MYO5A: variants seen among roughly 807,000 people sequenced by gnomAD.
MYO5A encodes myosin VA.
In MYO5A, 98 loss-of-function variants were observed where a neutral mutation model predicts 249.7. The ratio of observed to expected loss-of-function variants is 0.39; its 90% CI spans 0.33 to 0.46. The LOEUF (loss-of-function observed/expected upper bound fraction) is 0.46, where lower values mean the gene tolerates loss of function less well. Among genes scored for constraint, MYO5A ranks in the 20% least tolerant of loss-of-function variants. The pLI is 0.98. For missense variants in MYO5A, 1,696 were observed against 2,308.8 expected (o/e 0.73, Z 5.44); for synonymous variants, 778 against 810.6 (o/e 0.96, Z 0.68).
intron 25 of MYO5A, among the ~76,000 whole-genome samples, chr15:52,358,926 G>A (rs571148717): frequency 7.4e-4 from 112 of 152,252 alleles, no homozygotes; most frequent in African/African-American, 2.5e-3. Context: ...GATAGAAAAG[G>A]GATTGGAGAG....
At chr15:52,471,602 C>CACACAT (rs1231050126) in intron 1 of MYO5A, among the ~76,000 whole-genome samples, 4 of 151,168 alleles carry the variant, frequency 2.6e-5, no homozygotes, top group Middle Eastern at 6.8e-3. Context: ...AACACACACA[C>CACACAT]ACACACACAC....
At chr15:52,406,046 C>A (rs2042990897) in intron 8 of MYO5A, among the ~76,000 whole-genome samples, 1 of 152,162 alleles carries the variant, frequency 6.6e-6, no homozygotes, top group South Asian at 2.1e-4. Context: ...AGCATCAGAG[C>A]AGAACTTGAA....
intron 1 of MYO5A, among the ~76,000 whole-genome samples, chr15:52,526,678 A>G (rs1385524892): frequency 6.6e-6 from 1 of 152,126 alleles, no homozygotes; most frequent in African/African-American, 2.4e-5. Context: ...TTTTTTGTAG[A>G]GACCAGGTCT....
intron 1 of MYO5A, among the ~76,000 whole-genome samples, chr15:52,476,476 T>G (rs1446047396): frequency 6.6e-6 from 1 of 152,228 alleles, no homozygotes; most frequent in Non-Finnish European, 1.5e-5. Context: ...TGATGCAGTT[T>G]CTTCCTAGCA....
chr15:52,500,988 G>A (rs1189033046), intron 1 of MYO5A, among the ~76,000 whole-genome samples: 1 of 144,786 alleles, frequency 6.9e-6, no homozygotes, highest in South Asian at 2.2e-4. Context: ...TTTTTTTTTT[G>A]AGACGGAGTC....
intron 28 of MYO5A, among the ~76,000 whole-genome samples, chr15:52,350,297 T>TC (rs2039877226): frequency 2.0e-5 from 3 of 152,212 alleles, no homozygotes; most frequent in African/African-American, 7.2e-5. Flanking sequence ...GGAATTTTAT[T>TC]CCCCCAAATT....
At chr15:52,482,935 C>T (rs1473261601) in intron 1 of MYO5A, among the ~76,000 whole-genome samples, 1 of 152,154 alleles carries the variant, frequency 6.6e-6, no homozygotes, top group Non-Finnish European at 1.5e-5. Context: ...TACTCAAGCT[C>T]ACTCAGGTGA....
chr15:52,348,892 A>T, intron 28 of MYO5A, 66 bp from the exon 29 acceptor site: 1 of 1,520,912 alleles, frequency 6.6e-7, no homozygotes, highest in Non-Finnish European at 9.0e-7. Context: ...TCCATAAATA[A>T]ATTTCATCAA....
At chr15:52,335,516 C>CAAAAA (rs397854139) in intron 34 of MYO5A, among the ~76,000 whole-genome samples, 9 of 64,048 alleles carry the variant, frequency 1.4e-4, no homozygotes, top group South Asian at 1.2e-3. Context: ...ACTCTGTCTC[C>CAAAAA]AAAAAAAAAA....
intron 1 of MYO5A, among the ~76,000 whole-genome samples, chr15:52,499,783 A>G (rs2077115629): frequency 6.6e-6 from 1 of 152,210 alleles, no homozygotes; most frequent in African/African-American, 2.4e-5. Context: ...GAATAATGCT[A>G]CTGTGAACAC....
chr15:52,361,075 C>T (rs979762503), intron 24 of MYO5A, among the ~76,000 whole-genome samples: 5 of 152,112 alleles, frequency 3.3e-5, no homozygotes, highest in African/African-American at 1.2e-4. Flanking sequence ...TCCAGAGGCA[C>T]GTAAAAGTCT....
intron 37 of MYO5A, among the ~76,000 whole-genome samples, chr15:52,322,914 T>C (rs563713567): frequency 1.3e-5 from 2 of 152,200 alleles, no homozygotes; most frequent in African/African-American, 4.8e-5. Context: ...ATGTGCCATG[T>C]TGGTGTGCTG....
At chr15:52,392,497 T>A (rs1459541273) in intron 11 of MYO5A, among the ~76,000 whole-genome samples, 1 of 152,212 alleles carries the variant, frequency 6.6e-6, no homozygotes, top group East Asian at 1.9e-4. Flanking sequence ...CATAACAAAG[T>A]ACTTCTCCTA....
Position 52,528,829 on chromosome 15 carries a change from CCCCCGCCTGTGCGGAGGCCGCA to C in MYO5A, c.-45_-24del. 6.8e-7 allele frequency: 1 copy of C among 1,475,910 alleles called. No individual in the cohort carries two copies. Among genetic ancestry groups the C allele is most frequent in the Non-Finnish European group, 8.9e-7 (1 of 1,118,576 alleles). 91.4% of individuals were successfully genotyped at this position (1,475,910 alleles called of 1,614,324 possible). A position where few individuals can be genotyped will look rare whatever the true frequency, so the allele number is the denominator to read the frequency against. On this transcript the variant is annotated 5_prime_UTR_variant, in exon 1 of 42. Transcript: ENST00000399233. The stretch of plus-strand genomic sequence containing the variant: ...CATGGCGGGCCCCGCGCGCCTACGC[CCCCCGCCTGTGCGGAGGCCGCA>C]CCTCGCCTGGGCGGCCGCCCGAGCG...
intron 1 of MYO5A, among the ~76,000 whole-genome samples, chr15:52,437,802 C>T (rs1036121160): frequency 6.6e-6 from 1 of 152,148 alleles, no homozygotes; most frequent in African/African-American, 2.4e-5. Context: ...CAGATTTCCA[C>T]AAGTATTTTG....
At chr15:52,319,394 A>G (rs755160153) in intron 38 of MYO5A, 52 bp from the exon 39 acceptor site, 1 of 1,568,540 alleles carries the variant, frequency 6.4e-7, no homozygotes, top group Non-Finnish European at 8.8e-7. Flanking sequence ...GGAACCTTTC[A>G]TGTGCACATA....
At chr15:52,496,236 A>T (rs2077035767) in intron 1 of MYO5A, among the ~76,000 whole-genome samples, 1 of 152,210 alleles carries the variant, frequency 6.6e-6, no homozygotes, top group Non-Finnish European at 1.5e-5. Context: ...GACTGGAAGC[A>T]GGGCTTAGAT....
chr15:52,498,262 G>A (rs772071046), intron 1 of MYO5A, among the ~76,000 whole-genome samples: 14 of 152,024 alleles, frequency 9.2e-5, no homozygotes, highest in Non-Finnish European at 2.1e-4. Context: ...TCTCCACTTG[G>A]ATACACTATT....
Position 52,318,271 on chromosome 15 carries a change from C to T in MYO5A, c.5234+789G>A, listed in dbSNP as rs180694442. On this transcript the variant is annotated intron_variant, in intron 39 of 41. Transcript: ENST00000399233. ...AGGAGTTTGAGACCATCCTGGCCAA[C>T]ATGGTGAAACCCTGTCTCTACAAAA... Among the ~76,000 whole-genome samples, 20 of 151,896 alleles carry T rather than the reference C, an allele frequency of 1.3e-4. 1 individual carries two copies. In the East Asian group the frequency reaches 3.9e-3, roughly 29 times the overall value.
Sources: allele counts gnomAD v4.1 joint callset (sites outside exome capture counted in the v4.1 genomes callset), GRCh38; gene constraint gnomAD v4.1.1; transcripts MANE v1.5; gene names NCBI Gene and HGNC (gene_info 2026-07-23, HGNC 2026-07-21).